The following RIPOR1 variants were observed in gnomAD, a reference collection of about 807,000 sequenced individuals.
RIPOR1 encodes rho family-interacting cell polarization regulator 1.
RIPOR1 carries 58 observed loss-of-function variants against 116.5 expected under a neutral mutation model. The observed-to-expected ratio is 0.50, with a 90% CI of 0.40 to 0.62. The LOEUF (loss-of-function observed/expected upper bound fraction) is 0.62. RIPOR1 is among the 20% of genes least tolerant of loss of function. The pLI, the probability that RIPOR1 is intolerant of heterozygous loss-of-function variation, is 0.00. For missense variants in RIPOR1, 1,372 were observed against 1,586.2 expected, an observed-to-expected ratio of 0.86 and a Z score of 2.29; for synonymous variants, 605 against 650.0, an observed-to-expected ratio of 0.93 and a Z score of 1.05.
intron 4 of RIPOR1, 198 bp from the exon 5 acceptor site, chr16:67,539,530 A>G: frequency 1.5e-6 from 1 of 676,986 alleles, no homozygotes; most frequent in Non-Finnish European, 2.6e-6. Flanking sequence ...GGGGTCCTGG[A>G]GGGGGCTGAA....
chr16:67,538,186 C>T (rs1303081892), intron 1 of RIPOR1: 2 of 411,494 alleles, frequency 4.9e-6, no homozygotes, highest in African/African-American at 2.1e-5. Context: ...GCAGGCGGAG[C>T]CCGCACCTCG....
rs750705928 is a variant in RIPOR1, at chr16:67,542,505, C to T, written c.1719C>T (p.Ser573=). The change falls in exon 13 of 22, where the codon TCC becomes TCT. Residue 573 remains serine, a synonymous_variant. Transcript: ENST00000042381. The surrounding 1 kb of genome is among the most constrained non-coding windows in gnomAD (Gnocchi z 4.6). ...CCCTCACTCACACTACTACAGGCTC[C>T]ACCCACAAGCCCATAATCTCTACCC... is the stretch of plus-strand genomic sequence containing the variant. ...PSPLTHTTTG[S]THKPIISTLT... 154 of 1,613,796 alleles carry T rather than the reference C, an allele frequency of 9.5e-5. 3 individuals carry two copies. In the South Asian group the frequency reaches 1.6e-3, roughly 17 times the overall value.
intron 1 of RIPOR1, among the ~76,000 whole-genome samples, chr16:67,532,729 A>C (rs2050692707): frequency 6.6e-6 from 1 of 151,160 alleles, no homozygotes; most frequent in Admixed American, 6.5e-5. Flanking sequence ...AAGTGGAGCT[A>C]ATAGGACTTA....
rs1106516 is a variant in RIPOR1 at position 67,537,493 on chromosome 16, C to T, written c.-23-931C>T. ...GAGCCAGAGCCGCTGGGAGCGAGCC[C>T]GGAGCCCAGCCGGGCGGCTCGAAGT... On this transcript the variant is annotated intron_variant, in intron 1 of 21. Transcript: ENST00000042381. This position sits in a 1 kb window ranked among gnomAD's most constrained non-coding sequence, Gnocchi z 4.6. 1 of 1,263,880 alleles carries T rather than the reference C, an allele frequency of 7.9e-7. No individual in the cohort carries two copies. Among genetic ancestry groups the T allele is most frequent in the Non-Finnish European group, 1.0e-6 (1 of 1,003,198 alleles). 78.3% of individuals were successfully genotyped at this position (1,263,880 alleles called of 1,614,324 possible).
At position 67,542,346 on chromosome 16, in the gene RIPOR1, C is replaced by A; in HGVS notation, c.1560C>A (p.Asp520Glu). The A allele has an allele frequency of 1.2e-6, 2 of 1,613,930 alleles. No homozygotes were observed. Among genetic ancestry groups the A allele is most frequent in the Non-Finnish European group, 1.7e-6 (2 of 1,179,960 alleles). ...GTTGSVPTSTDPAPSAHLDSV... is the reference protein window; with the variant it reads ...GTTGSVPTSTEPAPSAHLDSV... Reference sequence around the variant, plus strand: ...CAGGCTCTGTCCCCACATCTACAGACCCTGCCCCATCTGCACACCTAGACT... The same window carrying A: ...CAGGCTCTGTCCCCACATCTACAGAACCTGCCCCATCTGCACACCTAGACT... The change falls in exon 13 of 22, where the codon GAC becomes GAA. Residue 520 changes from aspartate (D) to glutamate (E), a missense_variant. Transcript: ENST00000042381. The surrounding 1 kb of genome is among the most constrained non-coding windows in gnomAD (Gnocchi z 4.6).
At position 67,529,906 on chromosome 16, in the gene RIPOR1, G is replaced by A. The variant is rs1445339812; in HGVS notation, c.-24+992G>A. ...ACACAGCTGGTTTGGGAGAAGCGAG[G>A]ATTAGATCTGAGTCCTTGCCCCTGC... On this transcript the variant is annotated intron_variant, in intron 1 of 21. Transcript: ENST00000042381. The surrounding 1 kb of genome is among the most constrained non-coding windows in gnomAD (Gnocchi z 4.1). 1.5e-6 allele frequency: 2 copies of A among 1,293,154 alleles called. No individual in the cohort carries two copies. The highest frequency in any genetic ancestry group is 2.9e-5 in the African/African-American group (2 of 68,132). The allele number at this position is 1,293,154 out of a possible 1,614,324, so 80.1% of individuals were successfully genotyped here.
upstream of RIPOR1, chr16:67,528,748 G>A (rs2050573407): frequency 6.6e-6 from 1 of 151,214 alleles, no homozygotes; most frequent in African/African-American, 2.4e-5. Flanking sequence ...CGGGAGCCGC[G>A]GGAGCGCAGG....
chr16:67,539,984 A>T, intron 6 of RIPOR1, 69 bp from the exon 7 acceptor site: 1 of 1,613,658 alleles, frequency 6.2e-7, no homozygotes. Context: ...CTGGGTGAGC[A>T]ACCTTAGAGG....
At position 67,544,567 on chromosome 16, in the gene RIPOR1, G is replaced by A. The variant is rs2051102217; in HGVS notation, c.2734-128G>A. 6.5e-7 allele frequency: 1 copy of A among 1,539,960 alleles called. No homozygotes were observed. Among genetic ancestry groups the A allele is most frequent in the African/African-American group, 1.4e-5 (1 of 73,912 alleles). On this transcript the variant is annotated intron_variant, in intron 15 of 21. Transcript: ENST00000042381. The surrounding 1 kb of genome is among the most constrained non-coding windows in gnomAD (Gnocchi z 5.1). ...CCAGGGCCCTTGGCATCTGGCCCTT[G>A]CTGAATGGAGTATCTCCCAACTCTG...
In RIPOR1 at chr16:67,540,789, G is replaced by A. The variant is rs2050958097; in HGVS notation, c.801+85G>A. 14 of 1,345,326 alleles carry A rather than the reference G, an allele frequency of 1.0e-5. 1 individual carries two copies. In the South Asian group the frequency reaches 2.0e-4, roughly 19 times the overall value. 83.3% of individuals were successfully genotyped at this position (1,345,326 alleles called of 1,614,324 possible). A position where few individuals can be genotyped will look rare whatever the true frequency, so the allele number is the denominator to read the frequency against. On this transcript the variant is annotated intron_variant, in intron 10 of 21. Transcript: ENST00000042381. This position sits in a 1 kb window ranked among gnomAD's most constrained non-coding sequence, Gnocchi z 4.7. Reference sequence around the variant, plus strand: ...ATTACCCTGAGTCCCTTACTCCTGTGATCCCCTCATAGCTCCATAGCCCTG... The same window carrying A: ...ATTACCCTGAGTCCCTTACTCCTGTAATCCCCTCATAGCTCCATAGCCCTG...
Position 67,544,912 on chromosome 16 carries a change from CACCT to C in RIPOR1, c.2870-43_2870-40del, listed in dbSNP as rs1567578580. The stretch of plus-strand genomic sequence containing the variant: ...TACTGCCATCTGCATGCTCTCTACT[CACCT>C]GCCTGCCTGTTGCTGACGGTTTCCC... On this transcript the variant is annotated intron_variant, in intron 16 of 21. Transcript: ENST00000042381. This position sits in a 1 kb window ranked among gnomAD's most constrained non-coding sequence, Gnocchi z 5.1. 5 of 1,607,684 alleles carry C rather than the reference CACCT, an allele frequency of 3.1e-6. No individual in the cohort carries two copies. In the Admixed American group the frequency reaches 6.7e-5, roughly 21 times the overall value.
intron 1 of RIPOR1, among the ~76,000 whole-genome samples, chr16:67,521,569 G>C (rs2050495173): frequency 1.3e-5 from 2 of 152,152 alleles, no homozygotes; most frequent in African/African-American, 4.8e-5. Flanking sequence ...TAGGAGAAAG[G>C]AGTCAGGAAG....
rs779859661 is a variant in RIPOR1, at chr16:67,544,785, G to A, written c.2824G>A (p.Glu942Lys). The change falls in exon 16 of 22, where the codon GAG becomes AAG. Residue 942 changes from glutamate (E) to lysine (K), a missense_variant. This residue lies in a region of RIPOR1 where 1,005 missense variants were observed against 1,144.7 expected (regional missense o/e 0.88). Coordinates refer to ENST00000042381, the MANE Select transcript of RIPOR1 (RefSeq NM_024519.4). The surrounding 1 kb of genome is among the most constrained non-coding windows in gnomAD (Gnocchi z 5.1). ...REARVLEAVC[E>K]FSRRWEIPAS... ...AGCCCGAGTACTGGAGGCAGTATGC[G>A]AGTTCAGCAGGCGGTGGGAGATCCC... 1.2e-5 allele frequency: 19 copies of A among 1,602,762 alleles called. No individual in the cohort carries two copies. The highest frequency in any genetic ancestry group is 1.7e-4 in the Middle Eastern group (1 of 6,056).
In RIPOR1 at chr16:67,540,321, G is replaced by C. The variant is rs376766206; in HGVS notation, c.589G>C (p.Glu197Gln). Reference sequence around the variant, plus strand: ...CCAGAGCATGTGTCTGCTGGAGAGCGAGCTGGAGGCACAGCTGGGCGAGTT... The same window carrying C: ...CCAGAGCATGTGTCTGCTGGAGAGCCAGCTGGAGGCACAGCTGGGCGAGTT... ...YTESMCLLES[E>Q]LEAQLGEFHL... Residue 197 changes from glutamate to glutamine, a missense_variant, in exon 8 of 22, where the codon GAG becomes CAG. Around this residue, in one of 3 missense-constraint regions of RIPOR1, gnomAD observed 202 missense variants for 295.9 expected, o/e 0.68. Transcript: ENST00000042381. This position sits in a 1 kb window ranked among gnomAD's most constrained non-coding sequence, Gnocchi z 4.7. The C allele has an allele frequency of 1.2e-6, 2 of 1,614,152 alleles. No individual in the cohort carries two copies. The highest frequency in any genetic ancestry group is 1.7e-6 in the Non-Finnish European group (2 of 1,180,010).
rs766032250 is a variant in RIPOR1, at chr16:67,544,968, C to T, written c.2882C>T (p.Ser961Leu). 3.4e-5 allele frequency: 55 copies of T among 1,612,482 alleles called. No homozygotes were observed. Among genetic ancestry groups the T allele is most frequent in the South Asian group, 7.7e-5 (7 of 91,094 alleles). The change falls in exon 17 of 22, where the codon TCG (serine) becomes TTG (leucine). Residue 961 changes from serine (S) to leucine (L), a missense_variant. Ser to Leu is a moderately radical substitution (Grantham distance 145). Around this residue, in one of 3 missense-constraint regions of RIPOR1, gnomAD observed 1,005 missense variants for 1,144.7 expected, o/e 0.88. Transcript: ENST00000042381. This position sits in a 1 kb window ranked among gnomAD's most constrained non-coding sequence, Gnocchi z 5.1. ...ASSAQEVVQF[S>L]ASRPGFLTFW... ...CACCCCCTCACAGTGGTGCAGTTCTCGGCCTCTCGGCCTGGCTTCCTGACC... is the reference window on the plus strand; with the variant it reads ...CACCCCCTCACAGTGGTGCAGTTCTTGGCCTCTCGGCCTGGCTTCCTGACC...
rs1183090764 is a variant in RIPOR1 at position 67,540,553 on chromosome 16, C to A, written c.676-26C>A. Reference sequence around the variant, plus strand: ...GGTCGGTAGGGTCCCAACACCTAGGCTGCCTCATCCTACCTGTTCCCCCAG... The same window carrying A: ...GGTCGGTAGGGTCCCAACACCTAGGATGCCTCATCCTACCTGTTCCCCCAG... On this transcript the variant is annotated intron_variant, in intron 9 of 21. Transcript: ENST00000042381. This position sits in a 1 kb window ranked among gnomAD's most constrained non-coding sequence, Gnocchi z 4.7. 6.2e-7 allele frequency: 1 copy of A among 1,614,090 alleles called. No individual in the cohort carries two copies. The highest frequency in any genetic ancestry group is 8.5e-7 in the Non-Finnish European group (1 of 1,179,980).
intron 1 of RIPOR1, among the ~76,000 whole-genome samples, chr16:67,522,191 A>ATTTTTTTTTTT (rs34835336): frequency 1.1e-4 from 8 of 71,338 alleles, no homozygotes; most frequent in Admixed American, 3.2e-4. Flanking sequence ...CCACGCCCAG[A>ATTTTTTTTTTT]TTTTTTTTTT....
rs903652011 is a variant in RIPOR1, at chr16:67,531,857, T to C, written c.-24+2943T>C. ...GTCCTGGGGTCAGACAGCCTGGGTTTGAATCATGGTCTTGACACTTACCAC... is the reference window on the plus strand; with the variant it reads ...GTCCTGGGGTCAGACAGCCTGGGTTCGAATCATGGTCTTGACACTTACCAC... On this transcript the variant is annotated intron_variant, in intron 1 of 21. Transcript: ENST00000042381. This position sits in a 1 kb window ranked among gnomAD's most constrained non-coding sequence, Gnocchi z 4.2. Among the ~76,000 whole-genome samples, 1 of 152,142 alleles carries C rather than the reference T, an allele frequency of 6.6e-6. No individual in the cohort carries two copies. The highest frequency in any genetic ancestry group is 1.5e-5 in the Non-Finnish European group (1 of 68,024).
Position 67,543,202 on chromosome 16 carries a change from G to A in RIPOR1, c.2416G>A (p.Gly806Ser). 6.4e-7 allele frequency: 1 copy of A among 1,561,624 alleles called. No homozygotes were observed. The highest frequency in any genetic ancestry group is 8.7e-7 in the Non-Finnish European group (1 of 1,152,180). ...ALMAALDDYRGQFPELQGLEQ... is the reference protein window; with the variant it reads ...ALMAALDDYRSQFPELQGLEQ... ...AATGGCTGCCCTGGATGACTACCGTGGCCAGTTTCCTGAGCTGCAGGGCCT... is the reference window on the plus strand; with the variant it reads ...AATGGCTGCCCTGGATGACTACCGTAGCCAGTTTCCTGAGCTGCAGGGCCT... The change falls in exon 13 of 22, where the codon GGC becomes AGC. Residue 806 changes from glycine to serine, a missense_variant. Around this residue, in one of 3 missense-constraint regions of RIPOR1, gnomAD observed 1,005 missense variants for 1,144.7 expected, o/e 0.88. Transcript: ENST00000042381. This position sits in a 1 kb window ranked among gnomAD's most constrained non-coding sequence, Gnocchi z 4.7.
Sources: gnomAD v4.1 joint callset for allele counts (sites outside exome capture counted in the v4.1 genomes callset) on GRCh38, gnomAD v4.1.1 for gene constraint, gnomAD v4.1.1 regional missense constraint, Gnocchi (gnomAD v3.1) non-coding constraint, MANE v1.5 for transcripts, NCBI Gene and HGNC (gene_info 2026-07-23, HGNC 2026-07-21) for gene names.